Variants in TIAM1 observed in about 807,000 individuals in gnomAD.
TIAM1 encodes the protein rho guanine nucleotide exchange factor TIAM1.
Under a neutral mutation model 163.5 loss-of-function variants are expected in TIAM1, and 65 were observed. The ratio of observed to expected loss-of-function variants is 0.40; its 90% CI spans 0.33 to 0.49. TIAM1 has a LOEUF of 0.49. Among genes scored for constraint, TIAM1 ranks in the 20% least tolerant of loss-of-function variants. The pLI, the probability that TIAM1 is intolerant of heterozygous loss-of-function variation, is 0.77. For missense variants in TIAM1, 1,789 were observed against 2,044.7 expected (o/e 0.87, Z 2.41); for synonymous variants, 833 against 810.1 (o/e 1.03, Z -0.48).
At chr21:31,265,433 C>T (rs2072703293) in intron 4 of TIAM1, among the ~76,000 whole-genome samples, 1 of 151,954 alleles carries the variant, frequency 6.6e-6, no homozygotes, top group Non-Finnish European at 1.5e-5. Context: ...ATTCCTTCCG[C>T]TACACCTCCC....
At chr21:31,319,779 CAAAAAAAAAAAA>C (rs34265205) in intron 2 of TIAM1, among the ~76,000 whole-genome samples, 1 of 101,334 alleles carries the variant, frequency 9.9e-6, no homozygotes, top group African/African-American at 3.8e-5. Context: ...GACTCTATCT[CAAAAAAAAAAAA>C]AAAAAAAAAA....
intron 5 of TIAM1, among the ~76,000 whole-genome samples, chr21:31,250,244 T>C (rs956508154): frequency 1.3e-5 from 2 of 151,266 alleles, no homozygotes; most frequent in Non-Finnish European, 2.9e-5. Flanking sequence ...AGTGACTTCA[T>C]AGAAAAGAGT....
chr21:31,537,369 C>T (rs576611998), intron 1 of TIAM1, among the ~76,000 whole-genome samples: 1 of 150,978 alleles, frequency 6.6e-6, no homozygotes, highest in Admixed American at 6.6e-5. Flanking sequence ...AGAAGATGTG[C>T]TATCTTTTTG....
intron 1 of TIAM1, among the ~76,000 whole-genome samples, chr21:31,519,079 C>T (rs1217844826): frequency 2.6e-5 from 4 of 151,978 alleles, no homozygotes; most frequent in African/African-American, 9.7e-5. Flanking sequence ...GAGGCTGAGG[C>T]GGGCAGATCA....
At position 31,266,544 on chromosome 21, in the gene TIAM1, A is replaced by C; in HGVS notation, c.429T>G (p.Ala143=). The change falls in exon 4 of 28, where the codon GCT becomes GCG. Residue 143 remains alanine (A), a synonymous_variant. Coordinates refer to ENST00000541036, the MANE Select transcript of TIAM1 (RefSeq NM_001353694.2). The part of the protein sequence containing the change: ...RLYGDDATYL[A]EGGRRQHSYT... ...AGGAATGCTGCCTCCTGCCTCCCTC[A>C]GCCAAATATGTAGCGTCATCCCCGT... The C allele has an allele frequency of 6.2e-7, 1 of 1,614,184 alleles. No individual in the cohort carries two copies. The highest frequency in any genetic ancestry group is 8.5e-7 in the Non-Finnish European group (1 of 1,180,040).
Position 31,395,766 on chromosome 21 carries a change from A to C in TIAM1, c.-368-56344T>G, listed in dbSNP as rs2077057477. Among the ~76,000 whole-genome samples, 2 of 152,176 alleles carry C rather than the reference A, an allele frequency of 1.3e-5. No homozygotes were observed. The highest frequency in any genetic ancestry group is 1.3e-4 in the Admixed American group (2 of 15,280). Reference sequence around the variant, plus strand: ...GCTTTATAAATTGGGGAGGTTATTAAAAGGACGTGAGATGCATGGAATTAA... The same window carrying C: ...GCTTTATAAATTGGGGAGGTTATTACAAGGACGTGAGATGCATGGAATTAA... On this transcript the variant is annotated intron_variant, in intron 2 of 28. Transcript: ENST00000286827. This position sits in a 1 kb window ranked among gnomAD's most constrained non-coding sequence, Gnocchi z 7.5.
At chr21:31,458,206 G>C (rs915709704) in intron 2 of TIAM1, among the ~76,000 whole-genome samples, 12 of 152,118 alleles carry the variant, frequency 7.9e-5, no homozygotes, top group Non-Finnish European at 1.5e-4. Flanking sequence ...GATCACCTAA[G>C]GTCAGGAGTT....
intron 2 of TIAM1, among the ~76,000 whole-genome samples, chr21:31,357,182 G>A (rs1222225162): frequency 6.6e-6 from 1 of 152,224 alleles, no homozygotes; most frequent in South Asian, 2.1e-4. Flanking sequence ...CATGTTGGCT[G>A]GTCTCACTTT....
intron 2 of TIAM1, among the ~76,000 whole-genome samples, chr21:31,298,682 T>C (rs1345166881): frequency 6.6e-6 from 1 of 151,578 alleles, no homozygotes; most frequent in East Asian, 1.9e-4. Context: ...ACGTCATCCT[T>C]GGCTCCTGTA....
At chr21:31,484,297 C>T (rs2046204577) in intron 1 of TIAM1, among the ~76,000 whole-genome samples, 1 of 152,222 alleles carries the variant, frequency 6.6e-6, no homozygotes, top group Admixed American at 6.5e-5. Context: ...GTGTCCCCCA[C>T]AGGACTCCAC....
intron 2 of TIAM1, among the ~76,000 whole-genome samples, chr21:31,292,035 A>AACAT (rs1427040896): frequency 6.6e-6 from 1 of 152,156 alleles, no homozygotes; most frequent in Non-Finnish European, 1.5e-5. Flanking sequence ...TGGTAAATGT[A>AACAT]ACATAGGCTT....
chr21:31,398,226 C>T (rs1422774266), intron 2 of TIAM1, among the ~76,000 whole-genome samples: 1 of 147,458 alleles, frequency 6.8e-6, no homozygotes, highest in African/African-American at 2.5e-5. Context: ...GAAATGACCA[C>T]ATCAATTCAC....
chr21:31,411,471 CTTTTTTT>C (rs11362012), intron 2 of TIAM1, among the ~76,000 whole-genome samples: 7 of 102,732 alleles, frequency 6.8e-5, no homozygotes, highest in Non-Finnish European at 9.9e-5. Flanking sequence ...TCCCAAGAAA[CTTTTTTT>C]TTTTTTTTTT....
chr21:31,210,738 G>A lies in TIAM1; in HGVS notation c.2218-523C>T, dbSNP rs1372712435. ...AAGAGAAAGAAAGAAAGAGAAAGAAGGAAGGAAGGGAGAAAGAAAGAAAGA... is the reference window on the plus strand; with the variant it reads ...AAGAGAAAGAAAGAAAGAGAAAGAAAGAAGGAAGGGAGAAAGAAAGAAAGA... On this transcript the variant is annotated intron_variant, in intron 10 of 27. Transcript: ENST00000541036. Among the ~76,000 whole-genome samples the A allele has an allele frequency of 4.3e-3, 353 of 82,754 alleles. 14 individuals carry two copies. Among genetic ancestry groups the A allele is most frequent in the East Asian group, 0.021 (49 of 2,328 alleles). The allele number at this position is 82,754 out of a possible 152,430, so 54.3% of individuals were successfully genotyped here. A position where few individuals can be genotyped will look rare whatever the true frequency, so the allele number is the denominator to read the frequency against.
At chr21:31,546,785 A>C (rs2048511418) in intron 1 of TIAM1, among the ~76,000 whole-genome samples, 1 of 152,190 alleles carries the variant, frequency 6.6e-6, no homozygotes, top group Non-Finnish European at 1.5e-5. Flanking sequence ...TCCACGAAGT[A>C]ACTTGTTGAA....
chr21:31,190,240 T>C (rs1044816679), intron 13 of TIAM1, among the ~76,000 whole-genome samples: 1 of 152,104 alleles, frequency 6.6e-6, no homozygotes, highest in African/African-American at 2.4e-5. Flanking sequence ...ACCCTGTCTC[T>C]ACAAAATTTT....
intron 2 of TIAM1, among the ~76,000 whole-genome samples, chr21:31,310,726 A>G (rs1394203680): frequency 3.3e-5 from 5 of 152,156 alleles, no homozygotes; most frequent in Non-Finnish European, 5.9e-5. Flanking sequence ...CAATTTGGTG[A>G]CCCCAAAATG....
intron 2 of TIAM1, among the ~76,000 whole-genome samples, chr21:31,391,947 C>T (rs1312662309): frequency 6.6e-6 from 1 of 152,120 alleles, no homozygotes; most frequent in Non-Finnish European, 1.5e-5. Flanking sequence ...CCCATACGCC[C>T]ATGCTGTTTT....
chr21:31,335,109 CA>C (rs2147077116), intron 2 of TIAM1, among the ~76,000 whole-genome samples: 1 of 152,220 alleles, frequency 6.6e-6, no homozygotes, highest in Admixed American at 6.5e-5. Context: ...GTTTGTGCCA[CA>C]AAACAAAAAC....
Sources: gnomAD v4.1 joint callset for allele counts (sites outside exome capture counted in the v4.1 genomes callset) on GRCh38, gnomAD v4.1.1 for gene constraint, Gnocchi (gnomAD v3.1) non-coding constraint, MANE v1.5 for transcripts, NCBI Gene and HGNC (gene_info 2026-07-23, HGNC 2026-07-21) for gene names.